The following SLC35F4 variants were observed in gnomAD, a reference collection of about 807,000 sequenced individuals.
SLC35F4 encodes the protein chromosome 14 open reading frame 36.
In SLC35F4, 24 loss-of-function variants were observed where a neutral mutation model predicts 44.2. The observed-to-expected ratio is 0.54, with a 90% CI of 0.39 to 0.76. The LOEUF is 0.76. Among genes scored for constraint, SLC35F4 ranks in the 30% least tolerant of loss-of-function variants. The probability of loss-of-function intolerance (pLI) is 0.00; values close to 1 mark genes in which losing one functional copy is unlikely to be tolerated. For synonymous variants in SLC35F4, 238 were observed against 223.6 expected (o/e 1.06, Z -0.57); for missense variants, 562 against 586.1 (o/e 0.96, Z 0.42).
At chr14:57,850,876 T>C (rs534890301) in intron 1 of SLC35F4, among the ~76,000 whole-genome samples, 1 of 152,358 alleles carries the variant, frequency 6.6e-6, no homozygotes, top group African/African-American at 2.4e-5. Flanking sequence ...GGATGGTTTT[T>C]GAGGCCTTGC....
chr14:57,837,524 A>G (rs1021387918), intron 1 of SLC35F4: 1 of 152,202 alleles, frequency 6.6e-6, no homozygotes, highest in African/African-American at 2.4e-5. Flanking sequence ...ACTTGCTTTG[A>G]CCAATCTCAC....
intron 1 of SLC35F4, among the ~76,000 whole-genome samples, chr14:57,951,843 C>T (rs560132452): frequency 2.6e-4 from 40 of 152,308 alleles, no homozygotes; most frequent in South Asian, 8.3e-4. Flanking sequence ...AGGGAAGAGG[C>T]GGCTATGGGC....
intron 1 of SLC35F4, among the ~76,000 whole-genome samples, chr14:57,735,918 C>T (rs1395103295): frequency 6.6e-6 from 1 of 152,044 alleles, no homozygotes; most frequent in Non-Finnish European, 1.5e-5. Flanking sequence ...ATGGGGGTCT[C>T]ACTGTATTGC....
At chr14:57,690,644 G>A (rs187760057) in intron 1 of SLC35F4, among the ~76,000 whole-genome samples, 64 of 151,666 alleles carry the variant, frequency 4.2e-4, no homozygotes, top group Admixed American at 1.3e-3. Flanking sequence ...ATAATTATAC[G>A]ACTCACCATA....
chr14:57,619,625 A>T (rs1363128818), intron 1 of SLC35F4, among the ~76,000 whole-genome samples: 1 of 152,134 alleles, frequency 6.6e-6, no homozygotes, highest in Non-Finnish European at 1.5e-5. Context: ...AAAAACCAGA[A>T]TGCCTCTTCT....
At chr14:57,601,970 G>A (rs1407627362) in intron 1 of SLC35F4, among the ~76,000 whole-genome samples, 1 of 152,154 alleles carries the variant, frequency 6.6e-6, no homozygotes, top group East Asian at 1.9e-4. Flanking sequence ...TCTCTCCAGT[G>A]TATCTCACTG....
intron 1 of SLC35F4, among the ~76,000 whole-genome samples, chr14:57,912,348 T>G (rs1889231078): frequency 6.6e-6 from 1 of 151,608 alleles, no homozygotes; most frequent in African/African-American, 2.4e-5. Context: ...AAACGTAGAT[T>G]ATTGACTTTT....
intron 1 of SLC35F4, among the ~76,000 whole-genome samples, chr14:57,686,236 C>T (rs1201333290): frequency 2.0e-5 from 3 of 152,098 alleles, no homozygotes; most frequent in Non-Finnish European, 4.4e-5. Context: ...ATAGTTGGTG[C>T]TTCTTTGAAA....
chr14:57,636,834 A>G (rs549118938), intron 1 of SLC35F4, among the ~76,000 whole-genome samples: 2 of 152,166 alleles, frequency 1.3e-5, no homozygotes, highest in East Asian at 1.9e-4. Context: ...TGGCAACCCT[A>G]TACATTATTA....
intron 1 of SLC35F4, among the ~76,000 whole-genome samples, chr14:57,723,539 C>G (rs11848991): frequency 0.4 from 60,176 of 152,042 alleles, 11,936 homozygotes; most frequent in Middle Eastern, 0.41. Flanking sequence ...AGTGGTGACT[C>G]CAATTGCAGC....
chr14:57,977,185 T>A (rs1241901022), intron 1 of SLC35F4, among the ~76,000 whole-genome samples: 1 of 152,106 alleles, frequency 6.6e-6, no homozygotes, highest in Admixed American at 6.6e-5. Flanking sequence ...TTAGGGGAAT[T>A]TTTTTTGGAT....
At chr14:57,814,094 G>C (rs1252697497) in intron 1 of SLC35F4, among the ~76,000 whole-genome samples, 2 of 152,174 alleles carry the variant, frequency 1.3e-5, no homozygotes, top group Non-Finnish European at 2.9e-5. Flanking sequence ...ATGTTCATCT[G>C]CTGATTATAA....
At chr14:57,672,783 A>AT (rs10569229) in intron 1 of SLC35F4, among the ~76,000 whole-genome samples, 14 of 150,614 alleles carry the variant, frequency 9.3e-5, no homozygotes, top group East Asian at 3.9e-4. Context: ...ATTTTATTTT[A>AT]TTTTTTTTTT....
At chr14:57,637,497 T>TG (rs1346964603) in intron 1 of SLC35F4, among the ~76,000 whole-genome samples, 2 of 152,242 alleles carry the variant, frequency 1.3e-5, no homozygotes, top group East Asian at 3.9e-4. Context: ...CTCTCTGCAG[T>TG]CTTACACGTT....
chr14:57,801,083 C>T (rs947757154), intron 1 of SLC35F4, among the ~76,000 whole-genome samples: 4 of 152,012 alleles, frequency 2.6e-5, no homozygotes, highest in Non-Finnish European at 5.9e-5. Flanking sequence ...TCTCCAAGGT[C>T]AAAATGAAAG....
At chr14:57,665,689 T>C (rs558974680) in intron 1 of SLC35F4, among the ~76,000 whole-genome samples, 9 of 152,334 alleles carry the variant, frequency 5.9e-5, no homozygotes, top group African/African-American at 2.2e-4. Context: ...TATATGTTCA[T>C]TGCAGCACAT....
At chr14:57,859,398 G>A (rs764047896) in intron 1 of SLC35F4, among the ~76,000 whole-genome samples, 8 of 152,126 alleles carry the variant, frequency 5.3e-5, no homozygotes, top group Non-Finnish European at 7.3e-5. Context: ...ATCATCTCTG[G>A]TAGTGGAATT....
chr14:57,619,270 C>A (rs896207009), intron 1 of SLC35F4, among the ~76,000 whole-genome samples: 24 of 152,336 alleles, frequency 1.6e-4, no homozygotes, highest in African/African-American at 5.3e-4. Flanking sequence ...TGGGGGCTGA[C>A]AGACACCTCA....
chr14:57,586,198 G>A (rs1188908358), intron 3 of SLC35F4, among the ~76,000 whole-genome samples: 2 of 152,140 alleles, frequency 1.3e-5, no homozygotes, highest in African/African-American at 4.8e-5. Context: ...TCTAGTCTTT[G>A]ACAAGCCTGA....
Sources: allele counts gnomAD v4.1 joint callset (sites outside exome capture counted in the v4.1 genomes callset), GRCh38; gene constraint gnomAD v4.1.1; transcripts MANE v1.5; gene names NCBI Gene and HGNC (gene_info 2026-07-23, HGNC 2026-07-21).